The following ASH1L variants were observed in gnomAD, a reference collection of about 807,000 sequenced individuals.
ASH1L encodes ASH1 like histone lysine methyltransferase, also known as histone-lysine N-methyltransferase ASH1L.
A neutral mutation model predicts 269.0 loss-of-function variants in ASH1L; 23 were observed. The ratio of observed to expected loss-of-function variants is 0.09; its 90% CI spans 0.06 to 0.12. ASH1L has a LOEUF of 0.12. ASH1L is among the 10% of genes least tolerant of loss of function. The pLI is 1.00. For missense variants in ASH1L, 2,912 were observed against 3,567.8 expected, an observed-to-expected ratio of 0.82 and a Z score of 4.68; for synonymous variants, 1,187 against 1,253.5, an observed-to-expected ratio of 0.95 and a Z score of 1.12.
intron 6 of ASH1L, among the ~76,000 whole-genome samples, chr1:155,398,757 A>G (rs2148492571): frequency 6.6e-6 from 1 of 152,240 alleles, no homozygotes; most frequent in Admixed American, 6.5e-5. Context: ...CCCAGGGTAG[A>G]GTGCAGTGGC....
rs761002676 is a variant in ASH1L, at chr1:155,438,500, T to C, written c.5655A>G (p.Ala1885=). The change falls in exon 5 of 28, where the codon GCA becomes GCG. Residue 1885 remains alanine (A), a synonymous_variant. Coordinates refer to ENST00000392403, the MANE Select transcript of ASH1L (RefSeq NM_018489.3). ...PELNRDEEGA[A]LHLSPDTVTD... ...TAACTGTGTCAGGACTGAGGTGCAG[T>C]GCTGCTCCTTCCTCGTCTCTGTTCA... 2 of 1,613,692 alleles carry C rather than the reference T, an allele frequency of 1.2e-6. No homozygotes were observed. Among genetic ancestry groups the C allele is most frequent in the Non-Finnish European group, 1.7e-6 (2 of 1,179,846 alleles).
chr1:155,490,482 T>G (rs765245095), intron 2 of ASH1L, among the ~76,000 whole-genome samples: 108 of 149,888 alleles, frequency 7.2e-4, no homozygotes, highest in Non-Finnish European at 1.1e-3. Flanking sequence ...CAGCTGGAAG[T>G]GGCAGCACAT....
At chr1:155,504,486 A>T (rs573616629) in intron 2 of ASH1L, among the ~76,000 whole-genome samples, 3 of 152,304 alleles carry the variant, frequency 2.0e-5, no homozygotes, top group African/African-American at 7.2e-5. Flanking sequence ...TCACTCTCTC[A>T]TGAAGACCAG....
intron 4 of ASH1L, among the ~76,000 whole-genome samples, chr1:155,444,680 A>G (rs957219884): frequency 3.3e-5 from 5 of 151,930 alleles, no homozygotes; most frequent in Non-Finnish European, 7.3e-5. Context: ...CAGTGGTGCA[A>G]TCTTGGCTCA....
Position 155,343,670 on chromosome 1 carries a change from A to C in ASH1L, c.8054T>G (p.Leu2685Arg). 6.2e-7 allele frequency: 1 copy of C among 1,614,202 alleles called. No homozygotes were observed. The highest frequency in any genetic ancestry group is 1.1e-5 in the South Asian group (1 of 91,086). The change falls in exon 23 of 28, where the codon CTG becomes CGG. Residue 2685 changes from leucine (L) to arginine (R), a missense_variant. This residue lies in a region of ASH1L where 179 missense variants were observed against 293.8 expected (regional missense o/e 0.61). Transcript: ENST00000392403. This position sits in a 1 kb window ranked among gnomAD's most constrained non-coding sequence, Gnocchi z 6.1. Reference sequence around the variant, plus strand: ...TTTATCTCGGTTAATGTGAGATAACAGTCGATAGGACTGACGGACCGGGTG... The same window carrying C: ...TTTATCTCGGTTAATGTGAGATAACCGTCGATAGGACTGACGGACCGGGTG... ...DGHPVRQSYR[L>R]LSHINRDKLD...
intron 1 of ASH1L, among the ~76,000 whole-genome samples, chr1:155,543,759 C>T (rs1670607207): frequency 6.6e-6 from 1 of 151,650 alleles, no homozygotes; most frequent in Non-Finnish European, 1.5e-5. Context: ...TAGTGAGACC[C>T]CATCTCTACA....
chr1:155,403,891 T>TAA (rs760922886), intron 6 of ASH1L, among the ~76,000 whole-genome samples: 4 of 138,130 alleles, frequency 2.9e-5, no homozygotes, highest in Non-Finnish European at 4.7e-5. Context: ...TTCCTACCAT[T>TAA]AAAAAAAAAA....
At chr1:155,423,858 T>C (rs773896316) in intron 5 of ASH1L, among the ~76,000 whole-genome samples, 3 of 151,836 alleles carry the variant, frequency 2.0e-5, no homozygotes, top group Non-Finnish European at 2.9e-5. Flanking sequence ...GCCTCCGGAG[T>C]AGCTAGGATT....
intron 17 of ASH1L, among the ~76,000 whole-genome samples, chr1:155,351,882 TAAA>T (rs1373421480): frequency 2.9e-4 from 44 of 151,328 alleles, no homozygotes; most frequent in South Asian, 1.2e-3. Flanking sequence ...AATAAATAAA[TAAA>T]TAAATTAATT....
At chr1:155,433,143 T>C in intron 5 of ASH1L, 1 of 1,464,786 alleles carries the variant, frequency 6.8e-7, no homozygotes, top group Non-Finnish European at 9.1e-7. Flanking sequence ...TATTTGACAT[T>C]TCACCAGGCC....
At chr1:155,510,488 T>A (rs1167423321) in intron 2 of ASH1L, among the ~76,000 whole-genome samples, 2 of 151,462 alleles carry the variant, frequency 1.3e-5, no homozygotes, top group African/African-American at 4.9e-5. Context: ...AGTCTTGTTA[T>A]GGAAAAATCT....
Position 155,479,973 on chromosome 1 carries a change from G to A in ASH1L, c.2897C>T (p.Pro966Leu). 1 of 1,613,392 alleles carries A rather than the reference G, an allele frequency of 6.2e-7. No homozygotes were observed. The highest frequency in any genetic ancestry group is 8.5e-7 in the Non-Finnish European group (1 of 1,179,870). The change falls in exon 3 of 28, where the codon CCA (proline) becomes CTA (leucine). Residue 966 changes from proline to leucine, a missense_variant. Physicochemically the swap from Pro to Leu is moderately conservative, Grantham distance 98. Transcript: ENST00000392403. ...VCSMSDLEME[P>L]DKKITKRNNG... ...GTTTCTCTTGGTAATTTTTTTATCT[G>A]GTTCCATCTCAAGGTCACTCATACT...
At position 155,480,587 on chromosome 1, in the gene ASH1L, C is replaced by A. The variant is rs752438623; in HGVS notation, c.2283G>T (p.Met761Ile). ...SNSNSEPAKF[M>I]KNIGPPSFVD... is the part of the protein sequence containing the mutation. ...CAAATGAAGGGGGTCCAATGTTTTTCATAAACTTGGCTGGCTCAGAATTAC... is the reference window on the plus strand; with the variant it reads ...CAAATGAAGGGGGTCCAATGTTTTTAATAAACTTGGCTGGCTCAGAATTAC... The change falls in exon 3 of 28, where the codon ATG becomes ATT. Residue 761 changes from methionine to isoleucine, a missense_variant. This residue lies in a region of ASH1L where 715 missense variants were observed against 721.0 expected (regional missense o/e 0.99). Coordinates refer to ENST00000392403, the MANE Select transcript of ASH1L (RefSeq NM_018489.3). 1.2e-6 allele frequency: 2 copies of A among 1,614,088 alleles called. No individual in the cohort carries two copies. The highest frequency in any genetic ancestry group is 1.7e-6 in the Non-Finnish European group (2 of 1,179,956).
chr1:155,484,617 T>G (rs1666172579), intron 2 of ASH1L, among the ~76,000 whole-genome samples: 2 of 151,702 alleles, frequency 1.3e-5, no homozygotes, highest in Admixed American at 1.3e-4. Context: ...TCTCAAAACA[T>G]TACCCAAAAA....
At chr1:155,428,478 G>A (rs1170072908) in intron 5 of ASH1L, among the ~76,000 whole-genome samples, 3 of 151,674 alleles carry the variant, frequency 2.0e-5, no homozygotes, top group Non-Finnish European at 4.4e-5. Context: ...TTGGGAACAG[G>A]CCCCCCAAAA....
At chr1:155,510,017 C>T (rs1668064871) in intron 2 of ASH1L, among the ~76,000 whole-genome samples, 1 of 152,064 alleles carries the variant, frequency 6.6e-6, no homozygotes, top group Admixed American at 6.6e-5. Context: ...GTCAAAAATC[C>T]AGAAGCCTTA....
At chr1:155,439,496 G>A (rs1662370526) in intron 4 of ASH1L, among the ~76,000 whole-genome samples, 1 of 152,046 alleles carries the variant, frequency 6.6e-6, no homozygotes, top group Non-Finnish European at 1.5e-5. Context: ...TAAGGAATTC[G>A]AGATCAACCT....
At chr1:155,427,860 T>G (rs1254144142) in intron 5 of ASH1L, among the ~76,000 whole-genome samples, 2 of 152,176 alleles carry the variant, frequency 1.3e-5, no homozygotes, top group African/African-American at 4.8e-5. Context: ...TTAAGCAGTT[T>G]AGCACCATCC....
intron 4 of ASH1L, among the ~76,000 whole-genome samples, chr1:155,443,577 C>G (rs1478060109): frequency 6.6e-6 from 1 of 152,126 alleles, no homozygotes; most frequent in African/African-American, 2.4e-5. Context: ...TACTGTGTGT[C>G]CTTTCCAAGA....
Sources: allele counts gnomAD v4.1 joint callset (sites outside exome capture counted in the v4.1 genomes callset), GRCh38; gene constraint gnomAD v4.1.1; regional missense constraint gnomAD v4.1.1; non-coding constraint Gnocchi (gnomAD v3.1); transcripts MANE v1.5; gene names NCBI Gene and HGNC (gene_info 2026-07-23, HGNC 2026-07-21).